Variants in DCHS2 observed in about 807,000 individuals in gnomAD.
The protein encoded by DCHS2 is protocadherin-23.
A neutral mutation model predicts 182.4 loss-of-function variants in DCHS2; 142 were observed. That is an observed-to-expected ratio of 0.78 (90% CI 0.68 to 0.89). DCHS2 has a LOEUF of 0.89. Among genes scored for constraint, DCHS2 ranks in the 40% least tolerant of loss-of-function variants. DCHS2 has a pLI of 0.00. For synonymous variants in DCHS2, 1,740 were observed against 1,663.3 expected (o/e 1.05, Z -1.12); for missense variants, 4,319 against 4,198.6 (o/e 1.03, Z -0.79).
chr4:154,251,360 C>CA (rs1732347426), intron 16 of DCHS2, among the ~76,000 whole-genome samples: 1 of 151,950 alleles, frequency 6.6e-6, no homozygotes, highest in Non-Finnish European at 1.5e-5. Context: ...GATTCTTGGC[C>CA]AAACCACTTT....
At chr4:154,373,812 G>T in intron 2 of DCHS2, 1 of 839,056 alleles carries the variant, frequency 1.2e-6, no homozygotes. Context: ...CCAAGATGGA[G>T]AAGGTGTGCA....
intron 15 of DCHS2, among the ~76,000 whole-genome samples, chr4:154,258,534 C>T (rs1345221877): frequency 1.3e-5 from 2 of 151,954 alleles, no homozygotes; most frequent in Admixed American, 6.6e-5. Flanking sequence ...CCCACCACCA[C>T]ACCAGGCTAG....
Position 154,293,624 on chromosome 4 carries a change from G to A in DCHS2, c.6463+4227C>T, listed in dbSNP as rs957417323. Among the ~76,000 whole-genome samples the A allele has an allele frequency of 2.0e-5, 3 of 152,158 alleles. No homozygotes were observed. In the South Asian group the frequency reaches 6.2e-4, roughly 31 times the overall value. ...ACATTCCTCCTTATCATCCCTCACT[G>A]CTGTGGCTTTCTTCAGGCCTGGGTC... is the stretch of plus-strand genomic sequence containing the variant. On this transcript the variant is annotated intron_variant, in intron 13 of 19. Coordinates refer to ENST00000357232, the MANE Select transcript of DCHS2 (RefSeq NM_001358235.2).
rs1315545498 is a variant in DCHS2 at position 154,442,527 on chromosome 4, ACACCC to A, written c.2052+46772_2052+46776del. On this transcript the variant is annotated intron_variant, in intron 1 of 19. Transcript: ENST00000357232. Reference sequence around the variant, plus strand: ...CTTTTTTGCTGTCACTGAAAAGTGGACACCCCCCCCCCCCCACACACACACACACA... The same window carrying A: ...CTTTTTTGCTGTCACTGAAAAGTGGACCCCCCCCCCACACACACACACACA... Among the ~76,000 whole-genome samples the A allele has an allele frequency of 1.5e-3, 74 of 50,452 alleles. 4 individuals carry two copies. Among genetic ancestry groups the A allele is most frequent in the Middle Eastern group, 0.014 (1 of 72 alleles). 33.1% of individuals were successfully genotyped at this position (50,452 alleles called of 152,430 possible).
intron 1 of DCHS2, among the ~76,000 whole-genome samples, chr4:154,455,928 A>G (rs1246358705): frequency 6.6e-6 from 1 of 152,100 alleles, no homozygotes; most frequent in Non-Finnish European, 1.5e-5. Context: ...CGTCTCTATT[A>G]AAAATACAAA....
At chr4:154,341,302 G>A (rs1045149005) in intron 3 of DCHS2, among the ~76,000 whole-genome samples, 1 of 150,442 alleles carries the variant, frequency 6.6e-6, no homozygotes, top group Non-Finnish European at 1.5e-5. Flanking sequence ...CCGGGAAGTG[G>A]AGGCTGCAGT....
At chr4:154,261,696 A>G (rs1732994085) in intron 14 of DCHS2, 1 of 151,950 alleles carries the variant, frequency 6.6e-6, no homozygotes, top group Admixed American at 6.6e-5. Flanking sequence ...AAAAAAAACA[A>G]TATATATTAA....
At position 154,332,988 on chromosome 4, in the gene DCHS2, CGA is replaced by C. The variant is rs1222315637; in HGVS notation, c.3218_3219del (p.Ile1073ArgfsTer22). ...CAGGATGGGCTGTGTTCGCGTTTCT[CGA>C]TAACGACTGTCAGCACCAGCAGGGC... ...QAALLVLTVV[I>X]EKREHSPSWT... On this transcript the variant is annotated frameshift_variant, in exon 5 of 20. Coordinates refer to ENST00000357232, the MANE Select transcript of DCHS2 (RefSeq NM_001358235.2). LOFTEE classifies it high-confidence loss of function. 10 of 1,614,100 alleles carry C rather than the reference CGA, an allele frequency of 6.2e-6. No homozygotes were observed. The highest frequency in any genetic ancestry group is 1.7e-5 in the Admixed American group (1 of 60,014).
intron 14 of DCHS2, chr4:154,262,244 T>C (rs1366743286): frequency 2.0e-5 from 3 of 152,224 alleles, no homozygotes; most frequent in African/African-American, 7.2e-5. Flanking sequence ...TTTCCTTGCA[T>C]GGTTTTTATT....
intron 19 of DCHS2, among the ~76,000 whole-genome samples, chr4:154,238,053 G>C (rs1731618024): frequency 1.3e-5 from 2 of 151,140 alleles, no homozygotes; most frequent in Non-Finnish European, 2.9e-5. Context: ...TAAGGATTGA[G>C]TGCTCAGAAG....
At chr4:154,419,244 A>G (rs1732996178) in intron 1 of DCHS2, among the ~76,000 whole-genome samples, 1 of 152,254 alleles carries the variant, frequency 6.6e-6, no homozygotes, top group South Asian at 2.1e-4. Flanking sequence ...TTGTGTGTTT[A>G]TACAGAAAAT....
intron 1 of DCHS2, among the ~76,000 whole-genome samples, chr4:154,461,105 A>C (rs568234559): frequency 1.3e-5 from 2 of 152,314 alleles, no homozygotes; most frequent in South Asian, 2.1e-4. Context: ...CAGCCTTAGG[A>C]AGCCCCAAAG....
intron 1 of DCHS2, among the ~76,000 whole-genome samples, chr4:154,483,250 A>G (rs1295533256): frequency 6.6e-6 from 1 of 152,200 alleles, no homozygotes; most frequent in Admixed American, 6.6e-5. Flanking sequence ...GTGATATACA[A>G]GAAGAGAAAA....
intron 19 of DCHS2, among the ~76,000 whole-genome samples, chr4:154,238,711 C>A (rs1265530867): frequency 6.6e-6 from 1 of 152,108 alleles, no homozygotes; most frequent in Non-Finnish European, 1.5e-5. Flanking sequence ...TAAAATTATT[C>A]TTGTGCTTAT....
At chr4:154,421,978 A>C (rs966526157) in intron 1 of DCHS2, among the ~76,000 whole-genome samples, 1 of 152,194 alleles carries the variant, frequency 6.6e-6, no homozygotes, top group Non-Finnish European at 1.5e-5. Context: ...CTTTTTATTT[A>C]ATCTCTCAGC....
At chr4:154,317,146 A>T (rs550770907) in intron 9 of DCHS2, among the ~76,000 whole-genome samples, 2 of 152,356 alleles carry the variant, frequency 1.3e-5, no homozygotes, top group African/African-American at 4.8e-5. Flanking sequence ...ATCCCATCTC[A>T]TATGAATGCA....
chr4:154,344,410 C>T (rs1183077506), intron 3 of DCHS2, among the ~76,000 whole-genome samples: 2 of 152,152 alleles, frequency 1.3e-5, no homozygotes, highest in Non-Finnish European at 2.9e-5. Flanking sequence ...AGCATGGCTA[C>T]TAGGTCATTT....
Position 154,333,507 on chromosome 4 carries a change from G to T in DCHS2, c.2714-13C>A. On this transcript the variant is annotated splice_polypyrimidine_tract_variant and intron_variant, in intron 4 of 19. Coordinates refer to ENST00000357232, the MANE Select transcript of DCHS2 (RefSeq NM_001358235.2). The stretch of plus-strand genomic sequence containing the variant: ...GGTTCTGAGGAGTCTGAAAAAGAGA[G>T]AGGGGACAACCACTGTATGTCAAAA... The T allele has an allele frequency of 6.3e-7, 1 of 1,597,418 alleles. No homozygotes were observed. Among genetic ancestry groups the T allele is most frequent in the Middle Eastern group, 1.7e-4 (1 of 6,000 alleles).
At chr4:154,416,931 T>G (rs926813271) in intron 1 of DCHS2, among the ~76,000 whole-genome samples, 2 of 152,038 alleles carry the variant, frequency 1.3e-5, no homozygotes, top group East Asian at 3.9e-4. Context: ...ACGAAATCGC[T>G]CCTTTCCTGT....
Sources: gnomAD v4.1 joint callset for allele counts (sites outside exome capture counted in the v4.1 genomes callset) on GRCh38, gnomAD v4.1.1 for gene constraint, MANE v1.5 for transcripts, NCBI Gene and HGNC (gene_info 2026-07-23, HGNC 2026-07-21) for gene names.